PHF3: variants seen among roughly 807,000 people sequenced by gnomAD.
PHF3 encodes the protein PHD finger protein 3.
Under a neutral mutation model 178.4 loss-of-function variants are expected in PHF3, and 41 were observed. That is an observed-to-expected ratio of 0.23 (90% confidence interval 0.18 to 0.30). The LOEUF is 0.30. Among genes scored for constraint, PHF3 ranks in the 10% least tolerant of loss-of-function variants. PHF3 has a pLI of 1.00. For missense variants in PHF3, 2,346 were observed against 2,398.1 expected (o/e 0.98, Z 0.45); for synonymous variants, 842 against 800.5 (o/e 1.05, Z -0.88).
intron 1 of PHF3, among the ~76,000 whole-genome samples, chr6:63,641,521 GGTGTGTATGTGTGTGTGTGTGTGT>G (rs1380267724): frequency 1.6e-5 from 2 of 128,312 alleles, no homozygotes; most frequent in Admixed American, 8.5e-5. Context: ...TTTATTGTTA[GGTGTGTATGTGTGTGTGTGTGTGT>G]GTGTGTGTGT....
At chr6:63,657,476 A>C (rs1274237873) in intron 2 of PHF3, among the ~76,000 whole-genome samples, 2 of 152,324 alleles carry the variant, frequency 1.3e-5, no homozygotes, top group South Asian at 4.1e-4. Flanking sequence ...TACGTGTATT[A>C]TCTACTGTAT....
chr6:63,681,946 C>T (rs1766458112), intron 3 of PHF3, among the ~76,000 whole-genome samples: 1 of 152,048 alleles, frequency 6.6e-6, no homozygotes, highest in Admixed American at 6.6e-5. Flanking sequence ...CCCTTCCTAT[C>T]AGAATTTAGG....
Position 63,703,538 on chromosome 6 carries a change from A to G in PHF3, c.3234A>G (p.Glu1078=), listed in dbSNP as rs1334019712. Residue 1078 remains glutamate (E), a splice_region_variant and synonymous_variant, in exon 11 of 16, where the codon GAA becomes GAG. Transcript: ENST00000262043. ...ATTTTTACTTTGACTTACGTTAGGA[A>G]CCAGCCGCCAATAAGTCATTGGAGA... ...KEQEAAMEIQ[E]PAANKSLEKP... 2 of 1,604,562 alleles carry G rather than the reference A, an allele frequency of 1.2e-6. No individual in the cohort carries two copies. Among genetic ancestry groups the G allele is most frequent in the South Asian group, 1.1e-5 (1 of 87,850 alleles).
chr6:63,679,803 A>G, intron 2 of PHF3, 197 bp from the exon 3 acceptor site: 1 of 625,214 alleles, frequency 1.6e-6, no homozygotes, highest in East Asian at 3.2e-5. Context: ...TTACTTTACA[A>G]GGTGGAAGTT....
chr6:63,695,929 G>C (rs1004001205), intron 6 of PHF3, among the ~76,000 whole-genome samples: 1 of 152,190 alleles, frequency 6.6e-6, no homozygotes, highest in African/African-American at 2.4e-5. Context: ...GAAATGTTTT[G>C]AGTAAATCTT....
intron 4 of PHF3, among the ~76,000 whole-genome samples, chr6:63,686,933 T>TG (rs1766734025): frequency 1.3e-5 from 2 of 152,104 alleles, no homozygotes; most frequent in Non-Finnish European, 1.5e-5. Context: ...AAGGAGATGT[T>TG]GGGGCTATTG....
At chr6:63,677,526 T>C (rs980152236) in intron 2 of PHF3, among the ~76,000 whole-genome samples, 2 of 152,192 alleles carry the variant, frequency 1.3e-5, no homozygotes, top group African/African-American at 4.8e-5. Context: ...TGGATTTGGC[T>C]TGCGAAATCC....
intron 2 of PHF3, among the ~76,000 whole-genome samples, chr6:63,650,546 A>C (rs1764979369): frequency 6.6e-6 from 1 of 152,214 alleles, no homozygotes; most frequent in African/African-American, 2.4e-5. Flanking sequence ...CACTGCTTTC[A>C]AGCAAAGTGT....
chr6:63,644,103 A>T (rs910769476), intron 1 of PHF3, among the ~76,000 whole-genome samples: 1 of 152,212 alleles, frequency 6.6e-6, no homozygotes, highest in South Asian at 2.1e-4. Context: ...TCATGTTGCT[A>T]TGGTAACAAG....
chr6:63,645,399 A>C (rs886575639), intron 1 of PHF3, among the ~76,000 whole-genome samples: 1 of 152,198 alleles, frequency 6.6e-6, no homozygotes, highest in Non-Finnish European at 1.5e-5. Flanking sequence ...ATTGGGGCTT[A>C]AATTATATAA....
In PHF3 at chr6:63,685,383, A is replaced by T. The variant is rs1766642565; in HGVS notation, c.1661A>T (p.Lys554Met). 1 of 1,614,078 alleles carries T rather than the reference A, an allele frequency of 6.2e-7. No homozygotes were observed. Among genetic ancestry groups the T allele is most frequent in the African/African-American group, 1.3e-5 (1 of 75,026 alleles). The change falls in exon 4 of 16, where the codon AAG (lysine) becomes ATG (methionine). Residue 554 changes from lysine to methionine, a missense_variant. By Grantham distance (95) the Lys-to-Met change is moderately conservative (BLOSUM62 -1). This residue lies in a region of PHF3 where 843 missense variants were observed against 795.2 expected (regional missense o/e 1.06). Coordinates refer to ENST00000262043, the MANE Select transcript of PHF3 (RefSeq NM_001370348.2). ...PVKVRKKQID[K>M]EPKIQSCNSG... ...AAAGTCAGAAAAAAACAAATTGATA[A>T]GGAGCCAAAGATTCAGAGTTGCAAT...
chr6:63,679,913 C>G (rs768228799), intron 2 of PHF3, 87 bp from the exon 3 acceptor site: 7 of 1,051,494 alleles, frequency 6.7e-6, no homozygotes, highest in Non-Finnish European at 8.8e-6. Context: ...TACATTAAGA[C>G]TATCTCACAG....
At chr6:63,701,139 G>A (rs1767456776) in intron 9 of PHF3, among the ~76,000 whole-genome samples, 1 of 152,212 alleles carries the variant, frequency 6.6e-6, no homozygotes, top group Non-Finnish European at 1.5e-5. Context: ...GAATAAAAAT[G>A]TGTACAGGCT....
In PHF3 at chr6:63,717,354, C is replaced by T. The variant is rs1768221581; in HGVS notation, c.*3646C>T. The stretch of plus-strand genomic sequence containing the variant: ...ATTTGGATATACTAGTTGTACTATG[C>T]TTATCTCAGATCCCTGTAACACTGG... On this transcript the variant is annotated 3_prime_UTR_variant, in exon 16 of 16. Coordinates refer to ENST00000262043, the MANE Select transcript of PHF3 (RefSeq NM_001370348.2). 6.6e-6 allele frequency among the ~76,000 whole-genome samples: 1 copy of T among 151,992 alleles called. No homozygotes were observed. Among genetic ancestry groups the T allele is most frequent in the Middle Eastern group, 3.2e-3 (1 of 316 alleles).
At chr6:63,664,462 T>C (rs1215798118) in intron 2 of PHF3, among the ~76,000 whole-genome samples, 2 of 152,198 alleles carry the variant, frequency 1.3e-5, no homozygotes, top group East Asian at 3.8e-4. Flanking sequence ...ACCAAACTTT[T>C]TTGATTGTGT....
At position 63,722,594 on chromosome 6, in the gene PHF3, G is replaced by A. The variant is rs1380987850; in HGVS notation, c.*8886G>A. ...CATGTTCTTCACTGTAAGATTGCTT[G>A]AAGAGGATAGCAAAATGACTTATTA... On this transcript the variant is annotated 3_prime_UTR_variant, in exon 16 of 16. Transcript: ENST00000262043. Among the ~76,000 whole-genome samples the A allele has an allele frequency of 1.3e-5, 2 of 152,228 alleles. No homozygotes were observed. The highest frequency in any genetic ancestry group is 2.9e-5 in the Non-Finnish European group (2 of 68,040).
Position 63,700,362 on chromosome 6 carries a change from A to G in PHF3, c.2995A>G (p.Lys999Glu). The change falls in exon 9 of 16, where the codon AAA (lysine) becomes GAA (glutamate). Residue 999 changes from lysine to glutamate, a missense_variant. By Grantham distance (56) the Lys-to-Glu change is moderately conservative. This residue lies in a region of PHF3 where 45 missense variants were observed against 87.9 expected (regional missense o/e 0.51). Transcript: ENST00000262043. ...KDPKNNILFK[K>E]VLKGEVTPDH... ...AAAATCCTTCCAGATATTATTTAAA[A>G]AAGTACTGAAAGGAGAAGTAACTCC... 1 of 1,535,960 alleles carries G rather than the reference A, an allele frequency of 6.5e-7. No homozygotes were observed.
Position 63,679,583 on chromosome 6 carries a change from A to C in PHF3, c.245-417A>C, listed in dbSNP as rs569042192. ...GTCTGTAGTAGAGTATTGGGATCCC[A>C]GTTAGAAGTAGAATTTTTGATTCTA... On this transcript the variant is annotated intron_variant, in intron 2 of 15. Transcript: ENST00000262043. 33 of 281,552 alleles carry C rather than the reference A, an allele frequency of 1.2e-4. No homozygotes were observed. In the South Asian group the frequency reaches 1.2e-3, roughly 10 times the overall value. 17.4% of individuals were successfully genotyped at this position (281,552 alleles called of 1,614,324 possible).
In PHF3 at chr6:63,709,147, A is replaced by G. The variant is rs369378247; in HGVS notation, c.3712-4A>G. 7 of 1,528,412 alleles carry G rather than the reference A, an allele frequency of 4.6e-6. No homozygotes were observed. In the East Asian group the frequency reaches 1.4e-4, roughly 30 times the overall value. The allele number at this position is 1,528,412 out of a possible 1,614,324, so 94.7% of individuals were successfully genotyped here. A position where few individuals can be genotyped will look rare whatever the true frequency, so the allele number is the denominator to read the frequency against. The stretch of plus-strand genomic sequence containing the variant: ...TGATCTCTTTTTTTTTTTTTTAACC[A>G]TAGGACCTACCAGATAGTATTCAAG... On this transcript the variant is annotated splice_region_variant and splice_polypyrimidine_tract_variant and intron_variant, in intron 13 of 15. Transcript: ENST00000262043.
Sources: allele counts gnomAD v4.1 joint callset (sites outside exome capture counted in the v4.1 genomes callset), GRCh38; gene constraint gnomAD v4.1.1; regional missense constraint gnomAD v4.1.1; transcripts MANE v1.5; gene names NCBI Gene and HGNC (gene_info 2026-07-23, HGNC 2026-07-21).